The following NCAM1 variants were observed in gnomAD, a reference collection of about 807,000 sequenced individuals.
NCAM1 encodes antigen recognized by monoclonal antibody 5.1H11.
In NCAM1, 14 loss-of-function variants were observed where a neutral mutation model predicts 109.8. That is an observed-to-expected ratio of 0.13 (90% CI 0.08 to 0.20). The LOEUF (loss-of-function observed/expected upper bound fraction) is 0.20, where lower values mean the gene tolerates loss of function less well. Ranked by LOEUF, NCAM1 falls within the 10% of genes least tolerant of loss-of-function variation. The probability of loss-of-function intolerance (pLI) is 1.00; values close to 1 mark genes in which losing one functional copy is unlikely to be tolerated. For missense variants in NCAM1, 774 were observed against 1,109.9 expected, an observed-to-expected ratio of 0.70 and a Z score of 4.30; for synonymous variants, 418 against 442.9, an observed-to-expected ratio of 0.94 and a Z score of 0.70.
At chr11:113,185,380 AGGC>A (rs1943478233) in intron 1 of NCAM1, among the ~76,000 whole-genome samples, 2 of 152,162 alleles carry the variant, frequency 1.3e-5, no homozygotes, top group Non-Finnish European at 2.9e-5. Flanking sequence ...TGACTGGATG[AGGC>A]ACACCCACAT....
At position 113,087,311 on chromosome 11, in the gene NCAM1, C is replaced by G. The variant is rs138584563; in HGVS notation, c.53-115068C>G. On this transcript the variant is annotated intron_variant, in intron 1 of 19. Coordinates refer to ENST00000316851, the MANE Select transcript of NCAM1 (RefSeq NM_181351.5). ...CTATTTCCCTGTCTTCCCATCTTAC[C>G]TCACTATGCTTACAGCATTCATGTT... 3.6e-3 allele frequency among the ~76,000 whole-genome samples: 550 copies of G among 152,272 alleles called. 2 individuals are homozygous for G. The highest frequency in any genetic ancestry group is 0.013 in the African/African-American group (523 of 41,540).
chr11:113,070,106 C>T, intron 1 of NCAM1, among the ~76,000 whole-genome samples: 1 of 152,130 alleles, frequency 6.6e-6, no homozygotes, highest in East Asian at 1.9e-4. Flanking sequence ...TTGGAGTGAG[C>T]CAATGAGAAG....
chr11:113,248,285 G>A (rs575360804), intron 15 of NCAM1, among the ~76,000 whole-genome samples: 4 of 149,854 alleles, frequency 2.7e-5, no homozygotes, highest in South Asian at 2.1e-4. Flanking sequence ...CTATGATTAC[G>A]CCCTCCTGGA....
At chr11:113,185,002 C>A (rs1555108616) in intron 1 of NCAM1, among the ~76,000 whole-genome samples, 1 of 150,308 alleles carries the variant, frequency 6.7e-6, no homozygotes, top group African/African-American at 2.5e-5. Flanking sequence ...GATACATACA[C>A]ACACATGCAT....
chr11:113,202,007 C>G (rs537082749), intron 1 of NCAM1, among the ~76,000 whole-genome samples: 1 of 152,338 alleles, frequency 6.6e-6, no homozygotes, highest in Admixed American at 6.5e-5. Context: ...GTCACCATTT[C>G]TGTGAATCCC....
In NCAM1 at chr11:113,093,772, A is replaced by G. The variant is rs1939470229; in HGVS notation, c.53-108607A>G. ...TTCTTTTACTTAAAAGCAAGTAAGC[A>G]GATGGATTGGAGCAAATAACAATAG... is the stretch of plus-strand genomic sequence containing the variant. On this transcript the variant is annotated intron_variant, in intron 1 of 19. Coordinates refer to ENST00000316851, the MANE Select transcript of NCAM1 (RefSeq NM_181351.5). 1.3e-5 allele frequency among the ~76,000 whole-genome samples: 2 copies of G among 152,250 alleles called. 1 individual carries two copies. The highest frequency in any genetic ancestry group is 4.1e-4 in the South Asian group (2 of 4,834).
chr11:113,239,530 G>T (rs1270949767), intron 14 of NCAM1, among the ~76,000 whole-genome samples: 2 of 124,568 alleles, frequency 1.6e-5, no homozygotes, highest in Non-Finnish European at 3.2e-5. Context: ...TTTTGAGACG[G>T]AGTCTCGCTC....
chr11:113,174,910 G>A (rs1387477912), intron 1 of NCAM1, among the ~76,000 whole-genome samples: 1 of 152,106 alleles, frequency 6.6e-6, no homozygotes, highest in Non-Finnish European at 1.5e-5. Context: ...ACCAACAACT[G>A]TATCTCCATC....
At chr11:113,167,745 C>G (rs1591381890) in intron 1 of NCAM1, among the ~76,000 whole-genome samples, 1 of 152,152 alleles carries the variant, frequency 6.6e-6, no homozygotes, top group Non-Finnish European at 1.5e-5. Flanking sequence ...TCACATAACT[C>G]AGCTCAAAAT....
At chr11:113,191,659 A>G (rs920653398) in intron 1 of NCAM1, among the ~76,000 whole-genome samples, 8 of 152,076 alleles carry the variant, frequency 5.3e-5, no homozygotes, top group Non-Finnish European at 2.9e-5. Flanking sequence ...TGTTGTGTGG[A>G]TTAAGTGAAG....
At position 113,233,040 on chromosome 11, in the gene NCAM1, A is replaced by T. The variant is rs932448198; in HGVS notation, c.1523-107A>T. On this transcript the variant is annotated intron_variant, in intron 12 of 19. Transcript: ENST00000316851. This position sits in a 1 kb window ranked among gnomAD's most constrained non-coding sequence, Gnocchi z 4.5. ...CAGGAGGACAGGATACAGTGACAGG[A>T]TTCCCAAGAGTGAGCAGAAATGACA... 1 of 1,204,316 alleles carries T rather than the reference A, an allele frequency of 8.3e-7. No homozygotes were observed. The highest frequency in any genetic ancestry group is 1.2e-6 in the Non-Finnish European group (1 of 854,202). The allele number at this position is 1,204,316 out of a possible 1,614,324, so 74.6% of individuals were successfully genotyped here. A position where few individuals can be genotyped will look rare whatever the true frequency, so the allele number is the denominator to read the frequency against.
chr11:113,186,612 A>G (rs1246492735), intron 1 of NCAM1, among the ~76,000 whole-genome samples: 1 of 152,224 alleles, frequency 6.6e-6, no homozygotes. Context: ...TTGACAGTTA[A>G]GATCAGGAGA....
intron 1 of NCAM1, among the ~76,000 whole-genome samples, chr11:113,147,198 GA>G (rs1342506226): frequency 1.3e-5 from 2 of 152,164 alleles, no homozygotes; most frequent in East Asian, 3.8e-4. Flanking sequence ...CAGACTGTCT[GA>G]ATTCTTTTTC....
At chr11:113,205,904 C>T in intron 4 of NCAM1, 139 bp from the exon 5 acceptor site, 1 of 1,165,528 alleles carries the variant, frequency 8.6e-7, no homozygotes, top group Non-Finnish European at 1.2e-6. Flanking sequence ...TATTTCAAAG[C>T]CAGGGACGCA....
chr11:113,200,161 C>A (rs1391242839), intron 1 of NCAM1, among the ~76,000 whole-genome samples: 1 of 152,168 alleles, frequency 6.6e-6, no homozygotes, highest in Admixed American at 6.5e-5. Flanking sequence ...AGCAAACTTT[C>A]TTGGGGGGAC....
chr11:113,235,800 T>C (rs971314720), intron 14 of NCAM1, among the ~76,000 whole-genome samples: 2 of 152,130 alleles, frequency 1.3e-5, no homozygotes, highest in African/African-American at 4.8e-5. Flanking sequence ...TCTCTAGGTT[T>C]TCCTCGGCCA....
rs148443379 is a variant in NCAM1 at position 113,104,398 on chromosome 11, A to G, written c.53-97981A>G. On this transcript the variant is annotated intron_variant, in intron 1 of 19. Transcript: ENST00000316851. ...TTCTATTACAAGAAATTTAGATGCA[A>G]TAATTTAGTTCATGAAAAAGATCAT... Among the ~76,000 whole-genome samples, 22 of 152,188 alleles carry G rather than the reference A, an allele frequency of 1.4e-4. No homozygotes were observed. The East Asian group carries it at 2.9e-3, about 20-fold the overall frequency.
At position 113,054,589 on chromosome 11, in the gene NCAM1, C is replaced by T. The variant is rs191704195; in HGVS notation, c.52+92925C>T. On this transcript the variant is annotated intron_variant, in intron 1 of 19. Transcript: ENST00000316851. The stretch of plus-strand genomic sequence containing the variant: ...ACTGGAGAATTCTCTCCTTATTCCC[C>T]GATACAGAACTAAAGAGAGGCCTGA... Among the ~76,000 whole-genome samples, 462 of 152,252 alleles carry T rather than the reference C, an allele frequency of 3.0e-3. 3 individuals are homozygous for T. Among genetic ancestry groups the T allele is most frequent in the Admixed American group, 8.7e-3 (133 of 15,296 alleles).
chr11:112,978,917 G>T (rs782179484), intron 1 of NCAM1, among the ~76,000 whole-genome samples: 1 of 151,746 alleles, frequency 6.6e-6, no homozygotes. Context: ...TTTCATACAG[G>T]TTTCCTAAAA....
Sources: allele counts gnomAD v4.1 joint callset (sites outside exome capture counted in the v4.1 genomes callset), GRCh38; gene constraint gnomAD v4.1.1; non-coding constraint Gnocchi (gnomAD v3.1); transcripts MANE v1.5; gene names NCBI Gene and HGNC (gene_info 2026-07-23, HGNC 2026-07-21).